Variants in GTF2E1 observed in about 807,000 individuals in gnomAD.
GTF2E1 encodes the protein general transcription factor IIE subunit 1, also known as TFIIE alpha subunit.
In GTF2E1, 14 loss-of-function variants were observed where a neutral mutation model predicts 34.9. That is an observed-to-expected ratio of 0.40 (90% CI 0.27 to 0.63). The LOEUF (loss-of-function observed/expected upper bound fraction) is 0.63. GTF2E1 is among the 20% of genes least tolerant of loss of function. The pLI is 0.39. For synonymous variants in GTF2E1, 188 were observed against 192.9 expected (o/e 0.97, Z 0.21); for missense variants, 469 against 557.7 (o/e 0.84, Z 1.60).
intron 2 of GTF2E1, among the ~76,000 whole-genome samples, chr3:120,760,657 A>G (rs1070298): frequency 0.99 from 150,187 of 152,336 alleles, 74,046 homozygotes; most frequent in East Asian, 1. Context: ...TTTGTCAAAG[A>G]CCTTTTCTGC....
intron 3 of GTF2E1, among the ~76,000 whole-genome samples, chr3:120,776,189 G>T (rs576335550): frequency 3.9e-4 from 60 of 152,178 alleles, no homozygotes; most frequent in Admixed American, 9.2e-4. Context: ...ATATACATCA[G>T]AGGATCCCAT....
At chr3:120,758,971 T>G (rs1388382445) in intron 2 of GTF2E1, among the ~76,000 whole-genome samples, 1 of 152,178 alleles carries the variant, frequency 6.6e-6, no homozygotes, top group Admixed American at 6.5e-5. Context: ...GTATTTCTAG[T>G]TCTAGATCCT....
chr3:120,751,075 T>G, intron 2 of GTF2E1, 75 bp downstream of exon 2: 1 of 852,036 alleles, frequency 1.2e-6, no homozygotes. Context: ...TTCATCTAAT[T>G]TTTAAACCAT....
At position 120,782,753 on chromosome 3, in the gene GTF2E1, A is replaced by T. The variant is rs1709459125; in HGVS notation, c.*1283A>T. On this transcript the variant is annotated 3_prime_UTR_variant, in exon 5 of 5. Coordinates refer to ENST00000283875, the MANE Select transcript of GTF2E1 (RefSeq NM_005513.3). ...ATCATTGAAGGCTGTCTCTCTTTTA[A>T]TTTTTGTCAGACACAGTATTTTAGG... is the stretch of plus-strand genomic sequence containing the variant. 6.6e-6 allele frequency: 1 copy of T among 152,026 alleles called. No homozygotes were observed. The highest frequency in any genetic ancestry group is 2.1e-4 in the South Asian group (1 of 4,814). 9.4% of individuals were successfully genotyped at this position (152,026 alleles called of 1,614,324 possible).
intron 1 of GTF2E1, among the ~76,000 whole-genome samples, chr3:120,743,847 CCTT>C (rs1298931478): frequency 3.9e-5 from 6 of 152,244 alleles, no homozygotes; most frequent in African/African-American, 1.4e-4. Context: ...GCAGAGGGTG[CCTT>C]CTTTTCAACT....
In GTF2E1 at chr3:120,770,722, C is replaced by G; in HGVS notation, c.449-6C>G. 1 of 1,609,910 alleles carries G rather than the reference C, an allele frequency of 6.2e-7. No homozygotes were observed. The highest frequency in any genetic ancestry group is 8.5e-7 in the Non-Finnish European group (1 of 1,176,334). On this transcript the variant is annotated splice_region_variant and splice_polypyrimidine_tract_variant and intron_variant, in intron 2 of 4. Coordinates refer to ENST00000283875, the MANE Select transcript of GTF2E1 (RefSeq NM_005513.3). ...CTCTGACCTGAGATACTTGTTTTCTCTGTAGGAACTTTCCGCTGTACTTTT... is the reference window on the plus strand; with the variant it reads ...CTCTGACCTGAGATACTTGTTTTCTGTGTAGGAACTTTCCGCTGTACTTTT...
At position 120,750,842 on chromosome 3, in the gene GTF2E1, G is replaced by T; in HGVS notation, c.290G>T (p.Arg97Leu). The change falls in exon 2 of 5, where the codon CGT becomes CTT. Residue 97 changes from arginine to leucine, a missense_variant. Transcript: ENST00000283875. ...CATAACTACTACTTCATCAATTATCGTACTCTTGTTAATGTGGTAAAATAT... is the reference window on the plus strand; with the variant it reads ...CATAACTACTACTTCATCAATTATCTTACTCTTGTTAATGTGGTAAAATAT... ...TRHNYYFINYRTLVNVVKYKL... is the reference protein window; with the variant it reads ...TRHNYYFINYLTLVNVVKYKL... 1 of 1,613,966 alleles carries T rather than the reference G, an allele frequency of 6.2e-7. No individual in the cohort carries two copies. Among genetic ancestry groups the T allele is most frequent in the African/African-American group, 1.3e-5 (1 of 75,016 alleles).
intron 2 of GTF2E1, among the ~76,000 whole-genome samples, chr3:120,752,320 C>T (rs1709170990): frequency 6.6e-6 from 1 of 152,134 alleles, no homozygotes. Context: ...TCAAAATAGA[C>T]TAGAAAAGTC....
chr3:120,768,316 C>T (rs1253519639), intron 2 of GTF2E1, among the ~76,000 whole-genome samples: 2 of 152,088 alleles, frequency 1.3e-5, no homozygotes, highest in Non-Finnish European at 2.9e-5. Context: ...GGAGGGAAGG[C>T]ATCTGGGTAG....
chr3:120,777,678 G>A (rs1709413023), intron 4 of GTF2E1, among the ~76,000 whole-genome samples: 1 of 152,124 alleles, frequency 6.6e-6, no homozygotes, highest in Non-Finnish European at 1.5e-5. Flanking sequence ...ATAAGAAAAG[G>A]TTTTCCAAGG....
In GTF2E1 at chr3:120,781,191, C is replaced by T. The variant is rs750774660; in HGVS notation, c.1041C>T (p.Thr347=). 28 of 1,613,988 alleles carry T rather than the reference C, an allele frequency of 1.7e-5. No individual in the cohort carries two copies. Among genetic ancestry groups the T allele is most frequent in the Admixed American group, 6.7e-5 (4 of 59,990 alleles). ...CAGTGGGGGCAGCTGCTCCAGTGAC[C>T]GCTGCCAATGGCAGTGACTCAGAAA... is the stretch of plus-strand genomic sequence containing the variant. ...AGSVGAAAPV[T]AANGSDSESE... The change falls in exon 5 of 5, where the codon ACC becomes ACT. Residue 347 remains threonine, a synonymous_variant. Transcript: ENST00000283875.
In GTF2E1 at chr3:120,781,447, A is replaced by G. The variant is rs1170987558; in HGVS notation, c.1297A>G (p.Met433Val). 5.6e-6 allele frequency: 9 copies of G among 1,613,184 alleles called. No homozygotes were observed. Among genetic ancestry groups the G allele is most frequent in the Non-Finnish European group, 6.8e-6 (8 of 1,179,128 alleles). Residue 433 changes from methionine to valine, a missense_variant, in exon 5 of 5, where the codon ATG becomes GTG. By Grantham distance (21) the Met-to-Val change is conservative. Coordinates refer to ENST00000283875, the MANE Select transcript of GTF2E1 (RefSeq NM_005513.3). ...KEAYIAMGQR[M>V]FEDLFE ...AGCATATATAGCAATGGGACAACGCATGTTTGAGGACCTCTTTGAGTGAGC... is the reference window on the plus strand; with the variant it reads ...AGCATATATAGCAATGGGACAACGCGTGTTTGAGGACCTCTTTGAGTGAGC...
intron 2 of GTF2E1, among the ~76,000 whole-genome samples, chr3:120,757,602 C>T (rs1418957262): frequency 1.3e-5 from 2 of 152,060 alleles, no homozygotes; most frequent in Middle Eastern, 3.4e-3. Context: ...ATACATTTTC[C>T]CTTGCCCAAT....
intron 1 of GTF2E1, among the ~76,000 whole-genome samples, chr3:120,747,223 T>C (rs1165438226): frequency 6.6e-6 from 1 of 150,888 alleles, no homozygotes; most frequent in African/African-American, 2.4e-5. Flanking sequence ...TTTTATTTTA[T>C]TTTATTTTTT....
intron 2 of GTF2E1, among the ~76,000 whole-genome samples, chr3:120,767,347 G>C (rs934519481): frequency 1.3e-5 from 2 of 152,160 alleles, no homozygotes; most frequent in Non-Finnish European, 2.9e-5. Flanking sequence ...TTATGGTCCA[G>C]TATAAAAAGT....
chr3:120,755,695 C>T (rs1709202243), intron 2 of GTF2E1, among the ~76,000 whole-genome samples: 1 of 152,088 alleles, frequency 6.6e-6, no homozygotes. Flanking sequence ...CCCTGTTGTG[C>T]TATCAAATAG....
At chr3:120,771,166 G>A (rs191577037) in intron 3 of GTF2E1, among the ~76,000 whole-genome samples, 1 of 152,180 alleles carries the variant, frequency 6.6e-6, no homozygotes, top group Admixed American at 6.5e-5. Context: ...ATTTAGGTTT[G>A]ACTTCAAGTA....
At position 120,781,420 on chromosome 3, in the gene GTF2E1, G is replaced by C; in HGVS notation, c.1270G>C (p.Glu424Gln). 1 of 1,614,160 alleles carries C rather than the reference G, an allele frequency of 6.2e-7. No individual in the cohort carries two copies. The highest frequency in any genetic ancestry group is 8.5e-7 in the Non-Finnish European group (1 of 1,179,988). The part of the protein sequence containing the change: ...LVAQMTPEEK[E>Q]AYIAMGQRMF... ...GGCCCAGATGACACCAGAAGAAAAG[G>C]AAGCATATATAGCAATGGGACAACG... Residue 424 changes from glutamate to glutamine, a missense_variant, in exon 5 of 5, where the codon GAA becomes CAA. Transcript: ENST00000283875.
Position 120,776,679 on chromosome 3 carries a change from C to T in GTF2E1, c.892+15C>T. 1 of 1,606,074 alleles carries T rather than the reference C, an allele frequency of 6.2e-7. No individual in the cohort carries two copies. Among genetic ancestry groups the T allele is most frequent in the Non-Finnish European group, 8.5e-7 (1 of 1,176,684 alleles). On this transcript the variant is annotated intron_variant, in intron 4 of 4. Coordinates refer to ENST00000283875, the MANE Select transcript of GTF2E1 (RefSeq NM_005513.3). ...TATGAAAGAAGGTAAGAGTAGAAGT[C>T]AGTAAAATGGATGTGTCTTAGGTTC...
Sources: allele counts gnomAD v4.1 joint callset (sites outside exome capture counted in the v4.1 genomes callset), GRCh38; gene constraint gnomAD v4.1.1; transcripts MANE v1.5; gene names NCBI Gene and HGNC (gene_info 2026-07-23, HGNC 2026-07-21).